The following FGF9 variants were observed in gnomAD, a reference collection of about 807,000 sequenced individuals.
FGF9 encodes fibroblast growth factor 9 (glia-activating factor).
FGF9 carries 3 observed loss-of-function variants against 19.9 expected under a neutral mutation model. The ratio of observed to expected loss-of-function variants is 0.15; its 90% CI spans 0.07 to 0.39. FGF9 has a LOEUF of 0.39. FGF9 is among the 10% of genes least tolerant of loss of function. FGF9 has a pLI of 1.00. For missense variants in FGF9, 175 were observed against 256.8 expected, an observed-to-expected ratio of 0.68 and a Z score of 2.18; for synonymous variants, 107 against 106.9, an observed-to-expected ratio of 1.00 and a Z score of -0.01.
intron 1 of FGF9, among the ~76,000 whole-genome samples, chr13:21,678,815 G>A (rs762244861): frequency 3.3e-5 from 5 of 152,144 alleles, no homozygotes; most frequent in Non-Finnish European, 5.9e-5. Flanking sequence ...AATGTTTCCT[G>A]CATTTCATCT....
intron 2 of FGF9, among the ~76,000 whole-genome samples, chr13:21,690,585 T>G (rs1036468024): frequency 6.6e-6 from 1 of 152,216 alleles, no homozygotes; most frequent in Non-Finnish European, 1.5e-5. Flanking sequence ...TCCTCATTGT[T>G]CACAGATTCT....
chr13:21,701,062 G>T (rs17840925), intron 2 of FGF9, 128 bp from the exon 3 acceptor site: 1 of 699,846 alleles, frequency 1.4e-6, no homozygotes, highest in South Asian at 1.7e-5. Context: ...TGTAGGATGC[G>T]CAGGTTTGTT....
At chr13:21,686,970 A>C (rs1010234644) in intron 2 of FGF9, among the ~76,000 whole-genome samples, 1 of 152,208 alleles carries the variant, frequency 6.6e-6, no homozygotes, top group Non-Finnish European at 1.5e-5. Flanking sequence ...ACTGCCTCAG[A>C]CCAGTACTTT....
intron 2 of FGF9, among the ~76,000 whole-genome samples, chr13:21,690,631 T>C (rs17070412): frequency 0.027 from 4,068 of 152,352 alleles, 87 homozygotes; most frequent in South Asian, 0.056. Flanking sequence ...TAAAACTTGC[T>C]TGTAACCCCC....
At chr13:21,682,772 T>A (rs1022847700) in intron 2 of FGF9, among the ~76,000 whole-genome samples, 4 of 151,960 alleles carry the variant, frequency 2.6e-5, no homozygotes, top group Admixed American at 2.0e-4. Flanking sequence ...AAATGCTTTT[T>A]TTGTGTGTGT....
At position 21,689,406 on chromosome 13, in the gene FGF9, T is replaced by A. The variant is rs551535915; in HGVS notation, c.381+8261T>A. 6.6e-5 allele frequency among the ~76,000 whole-genome samples: 10 copies of A among 152,166 alleles called. No individual in the cohort carries two copies. In the South Asian group the frequency reaches 1.9e-3, roughly 28 times the overall value. ...TTGCATGCACTTGGCACCTAATGAA[T>A]GTTGAACGAATGAATGTATTGTCAG... On this transcript the variant is annotated intron_variant, in intron 2 of 2. Transcript: ENST00000382353.
intron 2 of FGF9, among the ~76,000 whole-genome samples, chr13:21,689,511 G>T (rs990904107): frequency 6.6e-6 from 1 of 151,686 alleles, no homozygotes; most frequent in African/African-American, 2.4e-5. Context: ...CTTGATTCTT[G>T]AATAGGTATT....
rs1871764104 is a variant in FGF9 at position 21,671,439 on chromosome 13, C to T, written c.-474C>T. 2.4e-6 allele frequency: 1 copy of T among 423,100 alleles called. No individual in the cohort carries two copies. The highest frequency in any genetic ancestry group is 9.4e-5 in the South Asian group (1 of 10,640). 26.2% of individuals were successfully genotyped at this position (423,100 alleles called of 1,614,324 possible). On this transcript the variant is annotated 5_prime_UTR_variant, in exon 1 of 3. Coordinates refer to ENST00000382353, the MANE Select transcript of FGF9 (RefSeq NM_002010.3). ...AGAGTCGGTTAGAGAGTAAAAACAG[C>T]GCATGCCTTCCTGGAGTCAGGATCC... is the stretch of plus-strand genomic sequence containing the variant.
At chr13:21,674,420 A>G (rs1413034491) in intron 1 of FGF9, among the ~76,000 whole-genome samples, 1 of 151,436 alleles carries the variant, frequency 6.6e-6, no homozygotes, top group African/African-American at 2.4e-5. Context: ...CCGCTTTCCG[A>G]GAGCAGAGCT....
chr13:21,695,030 A>G (rs1872371435), intron 2 of FGF9, among the ~76,000 whole-genome samples: 1 of 151,658 alleles, frequency 6.6e-6, no homozygotes, highest in Non-Finnish European at 1.5e-5. Flanking sequence ...CAGACTGGGT[A>G]CCACATGGTT....
chr13:21,692,219 G>C (rs1397545019), intron 2 of FGF9, among the ~76,000 whole-genome samples: 1 of 152,152 alleles, frequency 6.6e-6, no homozygotes, highest in South Asian at 2.1e-4. Flanking sequence ...TCCGCTCTCA[G>C]CTTTAGGTTC....
At chr13:21,688,484 C>A (rs1872211219) in intron 2 of FGF9, among the ~76,000 whole-genome samples, 1 of 152,166 alleles carries the variant, frequency 6.6e-6, no homozygotes, top group Admixed American at 6.5e-5. Context: ...TGACTGAGTC[C>A]ATACATCGTC....
intron 2 of FGF9, among the ~76,000 whole-genome samples, chr13:21,697,809 T>C (rs1409179152): frequency 7.7e-6 from 1 of 129,692 alleles, no homozygotes; most frequent in Admixed American, 7.6e-5. Context: ...CATAGGACTC[T>C]TTTTTTTTTT....
At chr13:21,692,513 C>T (rs918478496) in intron 2 of FGF9, among the ~76,000 whole-genome samples, 4 of 152,322 alleles carry the variant, frequency 2.6e-5, no homozygotes, top group East Asian at 1.9e-4. Flanking sequence ...CTTTGTCACT[C>T]ACTGGCCCTG....
Position 21,678,116 on chromosome 13 carries a change from A to G in FGF9, c.278-2926A>G, listed in dbSNP as rs529982704. 5.9e-5 allele frequency among the ~76,000 whole-genome samples: 9 copies of G among 152,338 alleles called. No homozygotes were observed. In the East Asian group the frequency reaches 1.5e-3, roughly 26 times the overall value. On this transcript the variant is annotated intron_variant, in intron 1 of 2. Coordinates refer to ENST00000382353, the MANE Select transcript of FGF9 (RefSeq NM_002010.3). ...CATCTTTATATACTCAATAAATGGT[A>G]TGGTGCTTGGCTTATAATAAACCCT...
rs1356727834 is a variant in FGF9 at position 21,702,833 on chromosome 13, T to C, written c.*1398T>C. 1 of 152,242 alleles carries C rather than the reference T, an allele frequency of 6.6e-6. No individual in the cohort carries two copies. Among genetic ancestry groups the C allele is most frequent in the Non-Finnish European group, 1.5e-5 (1 of 68,044 alleles). 9.4% of individuals were successfully genotyped at this position (152,242 alleles called of 1,614,324 possible). A position where few individuals can be genotyped will look rare whatever the true frequency, so the allele number is the denominator to read the frequency against. On this transcript the variant is annotated 3_prime_UTR_variant, in exon 3 of 3. Coordinates refer to ENST00000382353, the MANE Select transcript of FGF9 (RefSeq NM_002010.3). ...GCAAAATGAAACTAATAAATCGTTA[T>C]CAATAATGACAATGAGGGGGAAAGT...
At chr13:21,675,225 C>T (rs1871883397) in intron 1 of FGF9, among the ~76,000 whole-genome samples, 1 of 151,256 alleles carries the variant, frequency 6.6e-6, no homozygotes, top group East Asian at 2.0e-4. Context: ...TGGCTGTGCG[C>T]AGTGGGGGTG....
In FGF9 at chr13:21,691,773, TG is replaced by T. The variant is rs978797937; in HGVS notation, c.382-9416del. Among the ~76,000 whole-genome samples, 1 of 152,188 alleles carries T rather than the reference TG, an allele frequency of 6.6e-6. No homozygotes were observed. Among genetic ancestry groups the T allele is most frequent in the Non-Finnish European group, 1.5e-5 (1 of 68,020 alleles). ...CTTGAACTTGGTCAGAAACATCATTTGTCAGCCGGCTGGCCTGGTGTGCCTC... is the reference window on the plus strand; with the variant it reads ...CTTGAACTTGGTCAGAAACATCATTTTCAGCCGGCTGGCCTGGTGTGCCTC... On this transcript the variant is annotated intron_variant, in intron 2 of 2. Coordinates refer to ENST00000382353, the MANE Select transcript of FGF9 (RefSeq NM_002010.3). This position sits in a 1 kb window ranked among gnomAD's most constrained non-coding sequence, Gnocchi z 4.2.
At chr13:21,673,143 T>C (rs1470104651) in intron 1 of FGF9, among the ~76,000 whole-genome samples, 1 of 151,988 alleles carries the variant, frequency 6.6e-6, no homozygotes, top group Admixed American at 6.6e-5. Context: ...TCTTGAGTTT[T>C]TTCCTTACTT....
Sources: gnomAD v4.1 joint callset for allele counts (sites outside exome capture counted in the v4.1 genomes callset) on GRCh38, gnomAD v4.1.1 for gene constraint, Gnocchi (gnomAD v3.1) non-coding constraint, MANE v1.5 for transcripts, NCBI Gene and HGNC (gene_info 2026-07-23, HGNC 2026-07-21) for gene names.